Variants in FANCC observed in about 807,000 individuals in gnomAD.
FANCC encodes Fanconi anemia group C protein.
FANCC carries 55 observed loss-of-function variants against 71.3 expected under a neutral mutation model. That is an observed-to-expected ratio of 0.77 (90% confidence interval 0.62 to 0.97). The LOEUF is 0.97. Ranked by LOEUF, FANCC falls within the 50% of genes least tolerant of loss-of-function variation. The pLI is 0.00. For missense variants in FANCC, 678 were observed against 670.9 expected (o/e 1.01, Z -0.12); for synonymous variants, 275 against 244.9 (o/e 1.12, Z -1.15).
rs864622522 is a variant in FANCC, at chr9:95,111,492, C to T, written c.1300G>A (p.Asp434Asn). The T allele has an allele frequency of 6.2e-7, 1 of 1,613,788 alleles. No homozygotes were observed. Among genetic ancestry groups the T allele is most frequent in the Non-Finnish European group, 8.5e-7 (1 of 1,180,030 alleles). ...WLLAFYYGPR[D>N]GRQQRAQTMV... Reference sequence around the variant, plus strand: ...GTCTGTGCTCTCTGCTGCCTCCCATCACGGGGGCCGTAGTAGAAGGCCAAG... The same window carrying T: ...GTCTGTGCTCTCTGCTGCCTCCCATTACGGGGGCCGTAGTAGAAGGCCAAG... Residue 434 changes from aspartate to asparagine, a missense_variant, in exon 13 of 15, where the codon GAT (aspartate) becomes AAT (asparagine). Physicochemically the swap from Asp to Asn is conservative, Grantham distance 23. Transcript: ENST00000289081.
chr9:95,185,258 T>C (rs1057341558), intron 4 of FANCC, among the ~76,000 whole-genome samples: 2 of 152,226 alleles, frequency 1.3e-5, no homozygotes, highest in African/African-American at 4.8e-5. Context: ...ATTAGAATAA[T>C]CTACAATCGA....
Position 95,100,768 on chromosome 9 carries a change from T to A in FANCC, c.*939A>T, listed in dbSNP as rs1022149785. 1 of 225,534 alleles carries A rather than the reference T, an allele frequency of 4.4e-6. No individual in the cohort carries two copies. The highest frequency in any genetic ancestry group is 2.2e-5 in the African/African-American group (1 of 44,904). 14.0% of individuals were successfully genotyped at this position (225,534 alleles called of 1,614,324 possible). A position where few individuals can be genotyped will look rare whatever the true frequency, so the allele number is the denominator to read the frequency against. On this transcript the variant is annotated 3_prime_UTR_variant, in exon 15 of 15. Coordinates refer to ENST00000289081, the MANE Select transcript of FANCC (RefSeq NM_000136.3). ...GCCTCAGCCTCTTGAATAGCTGGGA[T>A]TACAGATGCATGCCATTGCACCCCG...
intron 4 of FANCC, among the ~76,000 whole-genome samples, chr9:95,184,601 A>G (rs186523224): frequency 6.6e-6 from 1 of 152,352 alleles, no homozygotes; most frequent in Admixed American, 6.5e-5. Context: ...CAATGTCACA[A>G]AGATGTCAGT....
chr9:95,200,310 C>T (rs1827727820), intron 4 of FANCC, among the ~76,000 whole-genome samples: 1 of 152,180 alleles, frequency 6.6e-6, no homozygotes. Context: ...CCTGAGTTTT[C>T]TCAACCACAA....
chr9:95,124,865 T>A (rs961408471), intron 10 of FANCC, among the ~76,000 whole-genome samples: 2 of 152,156 alleles, frequency 1.3e-5, no homozygotes, highest in African/African-American at 4.8e-5. Context: ...TCAGACATAA[T>A]AGTAGACAGA....
chr9:95,260,390 G>A (rs1470781847), intron 1 of FANCC, among the ~76,000 whole-genome samples: 1 of 152,174 alleles, frequency 6.6e-6, no homozygotes, highest in Non-Finnish European at 1.5e-5. Flanking sequence ...GTCCTTTGCA[G>A]GGACGTGGAT....
chr9:95,246,271 G>T (rs1372185545), intron 3 of FANCC, among the ~76,000 whole-genome samples: 1 of 152,202 alleles, frequency 6.6e-6, no homozygotes, highest in Non-Finnish European at 1.5e-5. Context: ...ATACGAGGGT[G>T]GGGTAGAGTG....
At chr9:95,300,618 T>A (rs1448944365) in intron 1 of FANCC, among the ~76,000 whole-genome samples, 1 of 151,476 alleles carries the variant, frequency 6.6e-6, no homozygotes, top group Non-Finnish European at 1.5e-5. Flanking sequence ...GCCTGGCTAA[T>A]TTTTTTTTGT....
intron 7 of FANCC, among the ~76,000 whole-genome samples, chr9:95,146,487 C>CAAAA (rs61093923): frequency 0.34 from 15,414 of 45,248 alleles, 4,108 homozygotes; most frequent in East Asian, 0.49. Context: ...GACCCCATCT[C>CAAAA]AAAAAAAAAA....
chr9:95,280,164 T>G (rs1833301580), intron 1 of FANCC, among the ~76,000 whole-genome samples: 1 of 151,842 alleles, frequency 6.6e-6, no homozygotes. Flanking sequence ...AAAACAAATT[T>G]TAAAACAAAA....
At chr9:95,299,318 T>G (rs1194357970) in intron 1 of FANCC, among the ~76,000 whole-genome samples, 1 of 152,252 alleles carries the variant, frequency 6.6e-6, no homozygotes, top group Non-Finnish European at 1.5e-5. Context: ...CATATTATTT[T>G]AAGAAACTGT....
intron 10 of FANCC, among the ~76,000 whole-genome samples, chr9:95,124,708 C>A (rs1402739386): frequency 6.6e-6 from 1 of 152,206 alleles, no homozygotes; most frequent in East Asian, 1.9e-4. Context: ...CTATTCATCA[C>A]ATGCCATATA....
chr9:95,300,729 T>C (rs1834671873), intron 1 of FANCC, among the ~76,000 whole-genome samples: 1 of 152,182 alleles, frequency 6.6e-6, no homozygotes, highest in Non-Finnish European at 1.5e-5. Context: ...GGATATGTGG[T>C]TATCCCACCC....
At chr9:95,159,701 CCTGA>C (rs1407608072) in intron 6 of FANCC, among the ~76,000 whole-genome samples, 2 of 152,140 alleles carry the variant, frequency 1.3e-5, no homozygotes, top group South Asian at 4.1e-4. Flanking sequence ...CCTGTTGTTT[CCTGA>C]CTTTTTAATG....
intron 1 of FANCC, among the ~76,000 whole-genome samples, chr9:95,284,402 A>G (rs1423580071): frequency 6.6e-6 from 1 of 152,248 alleles, no homozygotes; most frequent in East Asian, 1.9e-4. Context: ...TTGTATAAAC[A>G]CTAGTACGCA....
At chr9:95,214,186 G>A (rs757033737) in intron 4 of FANCC, among the ~76,000 whole-genome samples, 16 of 152,188 alleles carry the variant, frequency 1.1e-4, no homozygotes, top group Non-Finnish European at 7.3e-5. Flanking sequence ...CCAGCACTGT[G>A]GGAGGCCGAG....
intron 1 of FANCC, among the ~76,000 whole-genome samples, chr9:95,305,924 T>C (rs1835050637): frequency 6.6e-6 from 1 of 152,220 alleles, no homozygotes; most frequent in Non-Finnish European, 1.5e-5. Flanking sequence ...GTCTGGAATG[T>C]CATCTTCAGT....
intron 1 of FANCC, among the ~76,000 whole-genome samples, chr9:95,285,658 G>A (rs190181743): frequency 6.6e-6 from 1 of 151,884 alleles, no homozygotes; most frequent in African/African-American, 2.4e-5. Flanking sequence ...TGGGCAACAG[G>A]GCAAGATCCT....
intron 10 of FANCC, chr9:95,123,611 C>A: frequency 1.7e-6 from 1 of 598,658 alleles, no homozygotes; most frequent in Non-Finnish European, 3.2e-6. Flanking sequence ...CCAATGTGTG[C>A]CCAAGGACAA....
Sources: gnomAD v4.1 joint callset for allele counts (sites outside exome capture counted in the v4.1 genomes callset) on GRCh38, gnomAD v4.1.1 for gene constraint, MANE v1.5 for transcripts, NCBI Gene and HGNC (gene_info 2026-07-23, HGNC 2026-07-21) for gene names.